The following SEMA3A variants were observed in gnomAD, a reference collection of about 807,000 sequenced individuals.
SEMA3A encodes the protein semaphorin 3A.
In SEMA3A, 29 loss-of-function variants were observed where a neutral mutation model predicts 97.9. That is an observed-to-expected ratio of 0.30 (90% CI 0.22 to 0.40). SEMA3A has a LOEUF of 0.40. Ranked by LOEUF, SEMA3A falls within the 10% of genes least tolerant of loss-of-function variation. SEMA3A has a pLI of 1.00. For synonymous variants in SEMA3A, 321 were observed against 323.7 expected, an observed-to-expected ratio of 0.99 and a Z score of 0.09; for missense variants, 763 against 951.3, an observed-to-expected ratio of 0.80 and a Z score of 2.60.
At chr7:83,982,348 G>C (rs1235386906) in intron 13 of SEMA3A, among the ~76,000 whole-genome samples, 1 of 152,168 alleles carries the variant, frequency 6.6e-6, no homozygotes, top group Non-Finnish European at 1.5e-5. Context: ...GAAAGACCCA[G>C]AATATGGAAG....
chr7:84,097,432 A>G (rs1474451128), intron 4 of SEMA3A, among the ~76,000 whole-genome samples: 1 of 152,066 alleles, frequency 6.6e-6, no homozygotes, highest in Non-Finnish European at 1.5e-5. Flanking sequence ...GGGGTATAAA[A>G]ATGCTGGTTT....
intron 3 of SEMA3A, among the ~76,000 whole-genome samples, chr7:84,284,303 A>C (rs1800526828): frequency 6.6e-6 from 1 of 152,182 alleles, no homozygotes; most frequent in South Asian, 2.1e-4. Flanking sequence ...AGGAATGTTC[A>C]ATCTAGTTCT....
chr7:84,001,259 T>TTAAAC (rs1418798333), intron 12 of SEMA3A, among the ~76,000 whole-genome samples: 20 of 152,170 alleles, frequency 1.3e-4, no homozygotes, highest in Admixed American at 1.3e-3. Flanking sequence ...ATGGTATATG[T>TTAAAC]TAGACTACTT....
At chr7:84,475,602 A>G (rs916145312) in intron 1 of SEMA3A, among the ~76,000 whole-genome samples, 1 of 152,216 alleles carries the variant, frequency 6.6e-6, no homozygotes, top group African/African-American at 2.4e-5. Flanking sequence ...CATAACATGC[A>G]ACCTGGTGGT....
At chr7:84,005,596 T>C (rs1425172155) in intron 10 of SEMA3A, 38 bp from the exon 11 acceptor site, 1 of 1,319,988 alleles carries the variant, frequency 7.6e-7, no homozygotes, top group African/African-American at 1.5e-5. Context: ...TTGATTAAAA[T>C]CTAATAAACA....
intron 6 of SEMA3A, among the ~76,000 whole-genome samples, chr7:84,032,043 A>C (rs1187213153): frequency 6.6e-6 from 1 of 152,226 alleles, no homozygotes; most frequent in Non-Finnish European, 1.5e-5. Context: ...ATAGTCTCAC[A>C]AAACATTTAC....
At chr7:84,260,811 G>A (rs937630614) in intron 3 of SEMA3A, among the ~76,000 whole-genome samples, 2 of 152,174 alleles carry the variant, frequency 1.3e-5, no homozygotes, top group Non-Finnish European at 2.9e-5. Context: ...ATATGTTGAT[G>A]GCAGCAGAAG....
chr7:84,437,480 T>A (rs897063662), intron 1 of SEMA3A, among the ~76,000 whole-genome samples: 2 of 151,896 alleles, frequency 1.3e-5, no homozygotes, highest in Admixed American at 6.6e-5. Context: ...TTTTGTTTTA[T>A]TAGAGCATAT....
chr7:84,432,422 A>G (rs1805004242), intron 1 of SEMA3A, among the ~76,000 whole-genome samples: 1 of 152,076 alleles, frequency 6.6e-6, no homozygotes, highest in Non-Finnish European at 1.5e-5. Flanking sequence ...CAGAGGGTAC[A>G]TGTGCATGTT....
chr7:84,452,965 T>G (rs1805596490), intron 1 of SEMA3A, among the ~76,000 whole-genome samples: 1 of 152,304 alleles, frequency 6.6e-6, no homozygotes, highest in South Asian at 2.1e-4. Context: ...TTCCCCTTCT[T>G]TTTAACATTG....
At chr7:84,447,467 C>T (rs1476498939) in intron 1 of SEMA3A, among the ~76,000 whole-genome samples, 3 of 152,108 alleles carry the variant, frequency 2.0e-5, no homozygotes, top group Non-Finnish European at 4.4e-5. Context: ...CCATGGCCGC[C>T]CATGGACCAA....
rs528205620 is a variant in SEMA3A, at chr7:84,148,875, T to C, written c.113-13924A>G. Among the ~76,000 whole-genome samples the C allele has an allele frequency of 7.9e-5, 12 of 152,324 alleles. No homozygotes were observed. In the East Asian group the frequency reaches 1.2e-3, roughly 15 times the overall value. The stretch of plus-strand genomic sequence containing the variant: ...TAATAGTGTTTTCCTTTCTCTAGCT[T>C]ACTTCATTAGAAGAATATAGTGTAT... On this transcript the variant is annotated intron_variant, in intron 1 of 16. Transcript: ENST00000265362.
chr7:84,337,966 G>A (rs994067012), intron 2 of SEMA3A, among the ~76,000 whole-genome samples: 2 of 152,044 alleles, frequency 1.3e-5, no homozygotes, highest in African/African-American at 4.8e-5. Context: ...GTCAGGGACA[G>A]AAAGTCTTAT....
intron 6 of SEMA3A, among the ~76,000 whole-genome samples, 160 bp downstream of exon 6, chr7:84,046,164 C>A (rs1368174149): frequency 6.6e-6 from 1 of 151,988 alleles, no homozygotes; most frequent in Non-Finnish European, 1.5e-5. Flanking sequence ...TCTTTTCTTT[C>A]TTTGCCGAAC....
chr7:84,392,483 G>C (rs1340434898), intron 1 of SEMA3A, among the ~76,000 whole-genome samples: 1 of 152,154 alleles, frequency 6.6e-6, no homozygotes, highest in Non-Finnish European at 1.5e-5. Context: ...TGGTCATCTA[G>C]ATTGATTCCA....
At chr7:84,422,463 A>G (rs1804626487) in intron 1 of SEMA3A, among the ~76,000 whole-genome samples, 1 of 152,024 alleles carries the variant, frequency 6.6e-6, no homozygotes, top group Admixed American at 6.6e-5. Flanking sequence ...CTTTTCAAAA[A>G]ACCAGCTCCT....
chr7:84,454,893 AAATAT>A (rs1366583004), intron 1 of SEMA3A, among the ~76,000 whole-genome samples: 1 of 152,106 alleles, frequency 6.6e-6, no homozygotes. Context: ...TGTACAATCT[AAATAT>A]AATAGTTATT....
At chr7:84,059,616 C>T (rs566787849) in intron 5 of SEMA3A, among the ~76,000 whole-genome samples, 7 of 151,550 alleles carry the variant, frequency 4.6e-5, no homozygotes, top group African/African-American at 1.7e-4. Flanking sequence ...TTTTGTTGTG[C>T]TATTAAATAA....
At chr7:84,008,418 G>A (rs1248000016) in intron 9 of SEMA3A, among the ~76,000 whole-genome samples, 16 of 149,736 alleles carry the variant, frequency 1.1e-4, no homozygotes, top group African/African-American at 3.9e-4. Context: ...GTGAGCCGGC[G>A]AGGTAGAGCT....
Sources: allele counts gnomAD v4.1 joint callset (sites outside exome capture counted in the v4.1 genomes callset), GRCh38; gene constraint gnomAD v4.1.1; transcripts MANE v1.5; gene names NCBI Gene and HGNC (gene_info 2026-07-23, HGNC 2026-07-21).